The following TENM3 variants were observed in gnomAD, a reference collection of about 807,000 sequenced individuals.
TENM3 encodes the protein teneurin-3.
Under a neutral mutation model 255.1 loss-of-function variants are expected in TENM3, and 63 were observed. The ratio of observed to expected loss-of-function variants is 0.25; its 90% confidence interval spans 0.20 to 0.30. The LOEUF (loss-of-function observed/expected upper bound fraction) is 0.30, where lower values mean the gene tolerates loss of function less well. Among genes scored for constraint, TENM3 ranks in the 10% least tolerant of loss-of-function variants. TENM3 has a pLI of 1.00. For missense variants in TENM3, 2,929 were observed against 3,461.1 expected (o/e 0.85, Z 3.86); for synonymous variants, 1,306 against 1,322.3 (o/e 0.99, Z 0.27).
the TENM3 span, among the ~76,000 whole-genome samples, chr4:181,883,013 T>C: frequency 1.3e-5 from 2 of 152,164 alleles, no homozygotes; most frequent in African/African-American, 2.4e-5. Context: ...ATTTTTTCAA[T>C]AGATAAATAT....
the TENM3 span, among the ~76,000 whole-genome samples, chr4:182,035,402 AT>A: frequency 6.6e-6 from 1 of 152,160 alleles, no homozygotes; most frequent in African/African-American, 2.4e-5. Flanking sequence ...AATTAATAGC[AT>A]TTTTTGGTCT....
At chr4:181,789,468 G>C in the TENM3 span, among the ~76,000 whole-genome samples, 1 of 151,808 alleles carries the variant, frequency 6.6e-6, no homozygotes, top group East Asian at 1.9e-4. Context: ...TGTTGGCCAG[G>C]CTGGTCTTGA....
the TENM3 span, among the ~76,000 whole-genome samples, chr4:181,570,558 GA>G: frequency 3.6e-5 from 5 of 138,210 alleles, no homozygotes; most frequent in East Asian, 2.1e-4. Context: ...AAGAGAGAGA[GA>G]AAAAAAAGAA....
chr4:182,799,526 C>T lies in TENM3; in HGVS notation c.7345-70C>T, dbSNP rs1481883786. ...TGCCCCGGCGCTGCCCCCAGAGTCC[C>T]GTGTGTGGGTCAGGAGTGGGGAGGC... On this transcript the variant is annotated intron_variant, in intron 27 of 27. Transcript: ENST00000511685. The surrounding 1 kb of genome is among the most constrained non-coding windows in gnomAD (Gnocchi z 4.2). 7.3e-6 allele frequency: 11 copies of T among 1,499,724 alleles called. No homozygotes were observed. Among genetic ancestry groups the T allele is most frequent in the Non-Finnish European group, 9.7e-6 (11 of 1,134,812 alleles). 92.9% of individuals were successfully genotyped at this position (1,499,724 alleles called of 1,614,324 possible). A position where few individuals can be genotyped will look rare whatever the true frequency, so the allele number is the denominator to read the frequency against.
At chr4:181,647,113 C>T in the TENM3 span, among the ~76,000 whole-genome samples, 2 of 152,186 alleles carry the variant, frequency 1.3e-5, no homozygotes, top group Non-Finnish European at 2.9e-5. Context: ...GCTGATCACA[C>T]ATTTTTAGGA....
chr4:181,590,314 A>G, the TENM3 span, among the ~76,000 whole-genome samples: 1 of 152,192 alleles, frequency 6.6e-6, no homozygotes, highest in Non-Finnish European at 1.5e-5. Flanking sequence ...AGAAGCTCGA[A>G]GGAAATTTCT....
chr4:182,154,601 A>T (rs960841719), intron 1 of TENM3, among the ~76,000 whole-genome samples: 15 of 152,294 alleles, frequency 9.8e-5, no homozygotes, highest in African/African-American at 3.4e-4. Context: ...CATTTATGCC[A>T]GATGACCAGG....
the TENM3 span, among the ~76,000 whole-genome samples, chr4:181,514,085 T>G: frequency 6.6e-6 from 1 of 152,226 alleles, no homozygotes; most frequent in African/African-American, 2.4e-5. Context: ...ATATGTATTT[T>G]AATTGTATGA....
chr4:181,463,040 C>T, the TENM3 span, among the ~76,000 whole-genome samples: 4 of 152,198 alleles, frequency 2.6e-5, no homozygotes, highest in African/African-American at 9.7e-5. Context: ...TCTTGGTATT[C>T]AAGACCATTG....
At chr4:182,012,090 T>G in the TENM3 span, among the ~76,000 whole-genome samples, 1 of 152,300 alleles carries the variant, frequency 6.6e-6, no homozygotes, top group South Asian at 2.1e-4. Context: ...TGTCAGCCAA[T>G]TAAGGCCCCA....
At chr4:182,550,736 T>C (rs1741914506) in intron 3 of TENM3, among the ~76,000 whole-genome samples, 1 of 152,170 alleles carries the variant, frequency 6.6e-6, no homozygotes, top group African/African-American at 2.4e-5. Flanking sequence ...ATAGAAGATG[T>C]CTATTTTTTT....
chr4:182,136,830 A>G, the TENM3 span, among the ~76,000 whole-genome samples: 15 of 152,242 alleles, frequency 9.9e-5, no homozygotes, highest in African/African-American at 3.4e-4. Context: ...GTATTTTCTA[A>G]ATTTTAAAAA....
intron 5 of TENM3, among the ~76,000 whole-genome samples, chr4:182,645,786 A>G (rs1284366299): frequency 6.6e-6 from 1 of 152,226 alleles, no homozygotes; most frequent in Non-Finnish European, 1.5e-5. Flanking sequence ...GAGAACAACC[A>G]AAAAAGAAGC....
chr4:181,624,676 T>C, the TENM3 span, among the ~76,000 whole-genome samples: 1 of 152,224 alleles, frequency 6.6e-6, no homozygotes, highest in Non-Finnish European at 1.5e-5. Context: ...TTCTCTATGC[T>C]TTCTCCCTAG....
At chr4:182,503,401 C>T (rs1314979164) in intron 3 of TENM3, among the ~76,000 whole-genome samples, 1 of 152,174 alleles carries the variant, frequency 6.6e-6, no homozygotes, top group African/African-American at 2.4e-5. Flanking sequence ...TATTCCTCTC[C>T]AGTTTTGCTG....
chr4:182,264,574 A>C (rs1247180549), intron 1 of TENM3, among the ~76,000 whole-genome samples: 1 of 152,228 alleles, frequency 6.6e-6, no homozygotes, highest in Non-Finnish European at 1.5e-5. Context: ...GTAGCTCAGT[A>C]GCTAAGGTTT....
chr4:181,831,156 C>T, the TENM3 span, among the ~76,000 whole-genome samples: 17 of 152,232 alleles, frequency 1.1e-4, no homozygotes, highest in East Asian at 3.1e-3. Flanking sequence ...AATAGATTTA[C>T]TATGACTTAC....
chr4:182,315,593 T>A (rs1762709297), intron 1 of TENM3, among the ~76,000 whole-genome samples: 1 of 152,198 alleles, frequency 6.6e-6, no homozygotes, highest in Admixed American at 6.5e-5. Context: ...TTCTTGTGTT[T>A]GGGGCTTGTT....
At chr4:181,679,451 A>G in the TENM3 span, among the ~76,000 whole-genome samples, 1 of 152,156 alleles carries the variant, frequency 6.6e-6, no homozygotes, top group African/African-American at 2.4e-5. Context: ...GTTTAAAATA[A>G]AACATTTTTT....
Sources: gnomAD v4.1 joint callset for allele counts (sites outside exome capture counted in the v4.1 genomes callset) on GRCh38, gnomAD v4.1.1 for gene constraint, Gnocchi (gnomAD v3.1) non-coding constraint, MANE v1.5 for transcripts, NCBI Gene and HGNC (gene_info 2026-07-23, HGNC 2026-07-21) for gene names.